The following CCDC85A variants were observed in gnomAD, a reference collection of about 807,000 sequenced individuals.
CCDC85A encodes coiled-coil domain-containing protein 85A.
Under a neutral mutation model 50.2 loss-of-function variants are expected in CCDC85A, and 38 were observed. The observed-to-expected ratio is 0.76, with a 90% CI of 0.58 to 0.99. The LOEUF is 0.99. CCDC85A is among the 50% of genes least tolerant of loss of function. The probability of loss-of-function intolerance (pLI) is 0.00; values close to 1 mark genes in which losing one functional copy is unlikely to be tolerated. For missense variants in CCDC85A, 820 were observed against 742.0 expected, an observed-to-expected ratio of 1.11 and a Z score of -1.22; for synonymous variants, 366 against 301.4, an observed-to-expected ratio of 1.21 and a Z score of -2.22.
At chr2:56,383,740 T>C in intron 5 of CCDC85A, 1 of 985,088 alleles carries the variant, frequency 1.0e-6, no homozygotes, top group African/African-American at 1.7e-5. Flanking sequence ...CTTAAATAGC[T>C]CAATAACAAA....
Position 56,275,130 on chromosome 2 carries a change from C to T in CCDC85A, c.1241-67749C>T, listed in dbSNP as rs13415232. Among the ~76,000 whole-genome samples the T allele has an allele frequency of 9.2e-3, 1,393 of 151,826 alleles. 25 individuals are homozygous for T. Among genetic ancestry groups the T allele is most frequent in the African/African-American group, 0.032 (1,329 of 41,374 alleles). On this transcript the variant is annotated intron_variant, in intron 2 of 5. Transcript: ENST00000407595. Reference sequence around the variant, plus strand: ...ACTTTTTGTTGTTGTTAGTGGGGGTCGGGGGGGAATTATTCAGTTCACAGA... The same window carrying T: ...ACTTTTTGTTGTTGTTAGTGGGGGTTGGGGGGGAATTATTCAGTTCACAGA...
Position 56,372,976 on chromosome 2 carries a change from A to G in CCDC85A, c.1452+498A>G, listed in dbSNP as rs1265886707. On this transcript the variant is annotated intron_variant, in intron 4 of 5. Transcript: ENST00000407595. Reference sequence around the variant, plus strand: ...AGTAGCATATTTTTTTAAATAGTTCAGTGAAAATGTATTAGTCGACTGAGA... The same window carrying G: ...AGTAGCATATTTTTTTAAATAGTTCGGTGAAAATGTATTAGTCGACTGAGA... 2.6e-5 allele frequency among the ~76,000 whole-genome samples: 4 copies of G among 152,176 alleles called. No homozygotes were observed. In the East Asian group the frequency reaches 5.8e-4, roughly 22 times the overall value.
intron 5 of CCDC85A, among the ~76,000 whole-genome samples, chr2:56,381,389 T>G (rs187122367): frequency 6.6e-6 from 1 of 152,112 alleles, no homozygotes; most frequent in East Asian, 1.9e-4. Flanking sequence ...TAGGAACTGT[T>G]GGACTAGAAG....
chr2:56,202,860 C>T (rs917949891), intron 2 of CCDC85A, among the ~76,000 whole-genome samples: 2 of 152,174 alleles, frequency 1.3e-5, no homozygotes, highest in Admixed American at 6.5e-5. Context: ...TTCACCCATC[C>T]ACCCAAACAG....
intron 2 of CCDC85A, among the ~76,000 whole-genome samples, chr2:56,286,183 A>G (rs1220079708): frequency 1.3e-5 from 2 of 151,920 alleles, no homozygotes; most frequent in African/African-American, 2.4e-5. Context: ...GTTTGACATT[A>G]TGTGCCTAGT....
At chr2:56,253,661 G>T (rs1241577738) in intron 2 of CCDC85A, among the ~76,000 whole-genome samples, 3 of 151,662 alleles carry the variant, frequency 2.0e-5, no homozygotes, top group Non-Finnish European at 4.4e-5. Context: ...AGAGGAGGTG[G>T]CCTAGTCAAG....
intron 2 of CCDC85A, among the ~76,000 whole-genome samples, chr2:56,199,270 G>A (rs950841596): frequency 1.3e-5 from 2 of 152,174 alleles, no homozygotes; most frequent in African/African-American, 4.8e-5. Context: ...AATACAGAAT[G>A]TGTAGGGCTA....
At chr2:56,318,698 T>C (rs1226353704) in intron 2 of CCDC85A, among the ~76,000 whole-genome samples, 1 of 152,136 alleles carries the variant, frequency 6.6e-6, no homozygotes, top group Non-Finnish European at 1.5e-5. Flanking sequence ...GAACAAATTT[T>C]GTGTGCACAG....
At position 56,290,377 on chromosome 2, in the gene CCDC85A, G is replaced by T. The variant is rs1671648146; in HGVS notation, c.1241-52502G>T. Among the ~76,000 whole-genome samples the T allele has an allele frequency of 2.0e-5, 3 of 151,878 alleles. No individual in the cohort carries two copies. The South Asian group carries it at 6.2e-4, about 32-fold the overall frequency. On this transcript the variant is annotated intron_variant, in intron 2 of 5. Coordinates refer to ENST00000407595, the MANE Select transcript of CCDC85A (RefSeq NM_001080433.2). ...ATGAATATCTGTCATTTATAGCTGT[G>T]GGGGTGGGAAAGAGAACAGGCTTTT...
chr2:56,338,676 C>T (rs1267454492), intron 2 of CCDC85A, among the ~76,000 whole-genome samples: 1 of 152,044 alleles, frequency 6.6e-6, no homozygotes, highest in Non-Finnish European at 1.5e-5. Flanking sequence ...ACTAGTCAGG[C>T]TCAGCTGACC....
chr2:56,311,307 C>G (rs1305883719), intron 2 of CCDC85A, among the ~76,000 whole-genome samples: 2 of 152,128 alleles, frequency 1.3e-5, no homozygotes, highest in Non-Finnish European at 2.9e-5. Context: ...TCATGACATT[C>G]CTCAGGTCTC....
intron 3 of CCDC85A, among the ~76,000 whole-genome samples, chr2:56,353,655 T>C (rs1675068796): frequency 6.6e-6 from 1 of 152,222 alleles, no homozygotes; most frequent in Admixed American, 6.5e-5. Flanking sequence ...GATGGAATGC[T>C]GGTACAGCCA....
At chr2:56,268,468 G>A (rs904187982) in intron 2 of CCDC85A, among the ~76,000 whole-genome samples, 5 of 151,820 alleles carry the variant, frequency 3.3e-5, no homozygotes, top group South Asian at 4.2e-4. Context: ...GGTGGCGGAC[G>A]CCTGTAGTCC....
At chr2:56,364,485 AT>A (rs1675691883) in intron 3 of CCDC85A, among the ~76,000 whole-genome samples, 1 of 152,200 alleles carries the variant, frequency 6.6e-6, no homozygotes, top group African/African-American at 2.4e-5. Flanking sequence ...AGTTAATATC[AT>A]TTTAAATTTA....
chr2:56,371,504 A>T (rs1478653526), intron 3 of CCDC85A, among the ~76,000 whole-genome samples: 3 of 152,104 alleles, frequency 2.0e-5, no homozygotes, highest in Non-Finnish European at 4.4e-5. Flanking sequence ...TTCCATAATT[A>T]AAATTATTAA....
At chr2:56,211,839 T>C (rs1416131528) in intron 2 of CCDC85A, among the ~76,000 whole-genome samples, 1 of 152,080 alleles carries the variant, frequency 6.6e-6, no homozygotes, top group Non-Finnish European at 1.5e-5. Context: ...GGCATCTACC[T>C]TGATGTTCTC....
chr2:56,374,015 A>T (rs1676211061), intron 4 of CCDC85A, among the ~76,000 whole-genome samples: 1 of 152,170 alleles, frequency 6.6e-6, no homozygotes, highest in African/African-American at 2.4e-5. Context: ...CTTCCATTAG[A>T]TGTATTAGGC....
At chr2:56,219,572 A>G (rs979558091) in intron 2 of CCDC85A, among the ~76,000 whole-genome samples, 1 of 151,562 alleles carries the variant, frequency 6.6e-6, no homozygotes, top group Non-Finnish European at 1.5e-5. Flanking sequence ...GTGCTTGCCT[A>G]TTTCCTCTGT....
intron 2 of CCDC85A, among the ~76,000 whole-genome samples, chr2:56,237,733 A>C (rs1337069108): frequency 2.4e-5 from 2 of 82,348 alleles, no homozygotes; most frequent in African/African-American, 1.1e-4. Context: ...TACTAACCCT[A>C]ACCATTAATT....
Sources: allele counts gnomAD v4.1 joint callset (sites outside exome capture counted in the v4.1 genomes callset), GRCh38; gene constraint gnomAD v4.1.1; transcripts MANE v1.5; gene names NCBI Gene and HGNC (gene_info 2026-07-23, HGNC 2026-07-21).